Variants in NKAIN2 observed in about 807,000 individuals in gnomAD.
NKAIN2 encodes the protein sodium/potassium-transporting ATPase subunit beta-1-interacting protein 2.
A neutral mutation model predicts 32.6 loss-of-function variants in NKAIN2; 14 were observed. The ratio of observed to expected loss-of-function variants is 0.43; its 90% CI spans 0.28 to 0.67. The LOEUF is 0.67. Among genes scored for constraint, NKAIN2 ranks in the 30% least tolerant of loss-of-function variants. The probability of loss-of-function intolerance (pLI) is 0.17; values close to 1 mark genes in which losing one functional copy is unlikely to be tolerated. For missense variants in NKAIN2, 198 were observed against 258.3 expected (o/e 0.77, Z 1.60); for synonymous variants, 80 against 87.2 (o/e 0.92, Z 0.46).
At chr6:123,970,838 C>T (rs941107523) in intron 1 of NKAIN2, among the ~76,000 whole-genome samples, 5 of 151,788 alleles carry the variant, frequency 3.3e-5, no homozygotes, top group Non-Finnish European at 5.9e-5. Context: ...GCTGAGATCG[C>T]GCCACTGCAC....
At chr6:123,956,878 C>T (rs2114600999) in intron 1 of NKAIN2, among the ~76,000 whole-genome samples, 1 of 152,344 alleles carries the variant, frequency 6.6e-6, no homozygotes, top group African/African-American at 2.4e-5. Context: ...CAATTAAAGA[C>T]TTCTGTGATC....
chr6:124,762,910 G>A (rs1176431269), intron 4 of NKAIN2, among the ~76,000 whole-genome samples: 7 of 152,286 alleles, frequency 4.6e-5, no homozygotes, highest in Non-Finnish European at 7.3e-5. Context: ...GTAAATCTGA[G>A]GAATTTGGAT....
At chr6:124,293,587 T>C (rs1233201351) in intron 2 of NKAIN2, among the ~76,000 whole-genome samples, 1 of 152,178 alleles carries the variant, frequency 6.6e-6, no homozygotes, top group African/African-American at 2.4e-5. Flanking sequence ...CAATCTTTTC[T>C]ACAATAATTG....
rs568645115 is a variant in NKAIN2, at chr6:124,020,843, T to G, written c.54+216589T>G. Among the ~76,000 whole-genome samples the G allele has an allele frequency of 1.4e-4, 22 of 152,210 alleles. No individual in the cohort carries two copies. The South Asian group carries it at 4.1e-3, about 29-fold the overall frequency. On this transcript the variant is annotated intron_variant, in intron 1 of 6. Coordinates refer to ENST00000368417, the MANE Select transcript of NKAIN2 (RefSeq NM_001040214.3). ...GAAAAGATTAATAAAAAGGCCCCTTTCAGTAAACTTAAAGAAGACATAAAC... is the reference window on the plus strand; with the variant it reads ...GAAAAGATTAATAAAAAGGCCCCTTGCAGTAAACTTAAAGAAGACATAAAC...
rs141665356 is a variant in NKAIN2, at chr6:123,824,821, T to G, written c.54+20567T>G. Among the ~76,000 whole-genome samples the G allele has an allele frequency of 1.1e-4, 17 of 152,188 alleles. No individual in the cohort carries two copies. In the East Asian group the frequency reaches 2.7e-3, roughly 24 times the overall value. On this transcript the variant is annotated intron_variant, in intron 1 of 6. Coordinates refer to ENST00000368417, the MANE Select transcript of NKAIN2 (RefSeq NM_001040214.3). ...TAGGTTTAGGATCAGGGCTCCCTGT[T>G]TGGAGGGAGGACACCAGGCAACCTT...
chr6:124,815,225 C>CATATATACATAT (rs1554268822), intron 5 of NKAIN2, among the ~76,000 whole-genome samples: 12 of 136,994 alleles, frequency 8.8e-5, no homozygotes, highest in East Asian at 4.2e-4. Flanking sequence ...TATATATATA[C>CATATATACATAT]ATATATATAT....
intron 3 of NKAIN2, among the ~76,000 whole-genome samples, chr6:124,482,115 T>C (rs1777476728): frequency 6.6e-6 from 1 of 152,156 alleles, no homozygotes; most frequent in South Asian, 2.1e-4. Flanking sequence ...GCCAAGTCTC[T>C]TCCCAAAGCA....
chr6:124,306,938 C>A (rs1796527543), intron 2 of NKAIN2, among the ~76,000 whole-genome samples: 1 of 152,066 alleles, frequency 6.6e-6, no homozygotes, highest in Admixed American at 6.6e-5. Flanking sequence ...AAATTGAAAG[C>A]TAAATCAGTA....
At chr6:124,736,330 G>A (rs764083095) in intron 4 of NKAIN2, among the ~76,000 whole-genome samples, 1 of 151,928 alleles carries the variant, frequency 6.6e-6, no homozygotes, top group Non-Finnish European at 1.5e-5. Context: ...ACATGAAAGT[G>A]TAAAATGAAG....
At chr6:124,361,052 A>G (rs955738666) in intron 3 of NKAIN2, among the ~76,000 whole-genome samples, 4 of 152,148 alleles carry the variant, frequency 2.6e-5, no homozygotes, top group African/African-American at 4.8e-5. Flanking sequence ...CTCAGCCATC[A>G]ACTGAGTTGA....
At chr6:124,172,315 G>T (rs1270289416) in intron 1 of NKAIN2, among the ~76,000 whole-genome samples, 1 of 152,180 alleles carries the variant, frequency 6.6e-6, no homozygotes, top group African/African-American at 2.4e-5. Flanking sequence ...GAATGAAATA[G>T]AATTGAATAG....
At chr6:123,807,311 T>C (rs2114853190) in intron 1 of NKAIN2, among the ~76,000 whole-genome samples, 1 of 152,248 alleles carries the variant, frequency 6.6e-6, no homozygotes, top group East Asian at 1.9e-4. Context: ...CTTCAGATTT[T>C]AGGGTGATTC....
chr6:124,169,425 C>G (rs955214926), intron 1 of NKAIN2, among the ~76,000 whole-genome samples: 2 of 152,112 alleles, frequency 1.3e-5, no homozygotes, highest in African/African-American at 4.8e-5. Context: ...GTGGGATTTG[C>G]TACAGTTTCA....
chr6:124,129,640 G>A (rs1190992038), intron 1 of NKAIN2, among the ~76,000 whole-genome samples: 2 of 151,334 alleles, frequency 1.3e-5, no homozygotes, highest in Non-Finnish European at 2.9e-5. Context: ...TTTTTGAGAC[G>A]AAGTTTCCCT....
intron 3 of NKAIN2, among the ~76,000 whole-genome samples, chr6:124,550,489 C>T (rs1166322775): frequency 6.6e-6 from 1 of 152,142 alleles, no homozygotes; most frequent in Non-Finnish European, 1.5e-5. Context: ...AAACAGTTCT[C>T]CAAAGGGCCC....
intron 3 of NKAIN2, among the ~76,000 whole-genome samples, chr6:124,388,344 TG>T (rs1773000941): frequency 6.7e-6 from 1 of 149,646 alleles, no homozygotes; most frequent in African/African-American, 2.4e-5. Context: ...GGTGGTTCTC[TG>T]TAACACACTC....
intron 1 of NKAIN2, among the ~76,000 whole-genome samples, chr6:124,012,017 C>T (rs9320971): frequency 0.11 from 16,229 of 152,068 alleles, 1,465 homozygotes; most frequent in African/African-American, 0.25. Context: ...CTTCCTTGCT[C>T]TTCATGTAAA....
At chr6:124,064,781 G>T (rs1295703044) in intron 1 of NKAIN2, among the ~76,000 whole-genome samples, 1 of 151,786 alleles carries the variant, frequency 6.6e-6, no homozygotes, top group Non-Finnish European at 1.5e-5. Context: ...AGCCTAGGAA[G>T]AAAAATACTC....
At chr6:124,049,949 G>A (rs915518529) in intron 1 of NKAIN2, among the ~76,000 whole-genome samples, 2 of 151,938 alleles carry the variant, frequency 1.3e-5, no homozygotes, top group Non-Finnish European at 2.9e-5. Flanking sequence ...CAAAGTTCTT[G>A]ACTTAATAAG....
Sources: allele counts gnomAD v4.1 joint callset (sites outside exome capture counted in the v4.1 genomes callset), GRCh38; gene constraint gnomAD v4.1.1; transcripts MANE v1.5; gene names NCBI Gene and HGNC (gene_info 2026-07-23, HGNC 2026-07-21).